The following MGAT4C variants were observed in gnomAD, a reference collection of about 807,000 sequenced individuals.
MGAT4C encodes alpha-1,3-mannosyl-glycoprotein 4-beta-N-acetylglucosaminyltransferase C.
A neutral mutation model predicts 40.1 loss-of-function variants in MGAT4C; 19 were observed. That is an observed-to-expected ratio of 0.47 (90% CI 0.33 to 0.70). The LOEUF (loss-of-function observed/expected upper bound fraction) is 0.70, where lower values mean the gene tolerates loss of function less well. Ranked by LOEUF, MGAT4C falls within the 30% of genes least tolerant of loss-of-function variation. The pLI, the probability that MGAT4C is intolerant of heterozygous loss-of-function variation, is 0.02. For missense variants in MGAT4C, 491 were observed against 563.2 expected (o/e 0.87, Z 1.30); for synonymous variants, 181 against 187.1 (o/e 0.97, Z 0.27).
intron 1 of MGAT4C, among the ~76,000 whole-genome samples, chr12:86,107,464 G>C (rs536434720): frequency 1.6e-4 from 24 of 152,146 alleles, no homozygotes; most frequent in African/African-American, 4.6e-4. Flanking sequence ...ATATTATTTT[G>C]AGCAAACAAA....
In MGAT4C at chr12:86,103,449, T is replaced by C. The variant is rs1256001094; in HGVS notation, c.-56-53726A>G. On this transcript the variant is annotated intron_variant, in intron 1 of 4. Transcript: ENST00000611864. The stretch of plus-strand genomic sequence containing the variant: ...GTGACTACAGAGCCAGAGACTAGGG[T>C]GCAACAAGTCAAGAAATGCCAACTA... Among the ~76,000 whole-genome samples, 3 of 151,978 alleles carry C rather than the reference T, an allele frequency of 2.0e-5. No individual in the cohort carries two copies. In the East Asian group the frequency reaches 5.8e-4, roughly 29 times the overall value.
intron 1 of MGAT4C, among the ~76,000 whole-genome samples, chr12:86,767,973 C>T (rs1290731583): frequency 1.3e-5 from 2 of 152,182 alleles, no homozygotes; most frequent in African/African-American, 2.4e-5. Flanking sequence ...GGGATGCCCT[C>T]TCTCACCACT....
At chr12:86,453,653 A>C (rs1009951803) in intron 2 of MGAT4C, among the ~76,000 whole-genome samples, 1 of 152,118 alleles carries the variant, frequency 6.6e-6, no homozygotes, top group Admixed American at 6.6e-5. Context: ...TCTGGTCTTC[A>C]TGTTTGCCTC....
intron 2 of MGAT4C, among the ~76,000 whole-genome samples, chr12:86,664,022 T>C (rs1008640831): frequency 6.6e-6 from 1 of 152,166 alleles, no homozygotes; most frequent in African/African-American, 2.4e-5. Flanking sequence ...TTTTGGGACT[T>C]GGCATTCAAA....
chr12:86,307,626 CATTTATTTTGTTTTG>C (rs1485549953), intron 4 of MGAT4C, among the ~76,000 whole-genome samples: 1 of 150,406 alleles, frequency 6.6e-6, no homozygotes, highest in Admixed American at 6.6e-5. Context: ...ATCTTGCCCA[CATTTATTTTGTTTTG>C]AAATATTTTA....
intron 2 of MGAT4C, among the ~76,000 whole-genome samples, chr12:86,493,772 A>T (rs1412801879): frequency 6.6e-6 from 1 of 152,044 alleles, no homozygotes; most frequent in Non-Finnish European, 1.5e-5. Flanking sequence ...CATTGTGCAC[A>T]TGTACCCTAA....
chr12:86,766,455 TCAA>T lies in MGAT4C; in HGVS notation c.-261-39217_-261-39215del, dbSNP rs949729456. Reference sequence around the variant, plus strand: ...CACCCCACTGTCAACATTAGAAAGATCAACGAGACAGAAAGTTAACAAGGATAC... The same window carrying T: ...CACCCCACTGTCAACATTAGAAAGATCGAGACAGAAAGTTAACAAGGATAC... On this transcript the variant is annotated intron_variant, in intron 1 of 7. Transcript: ENST00000548651. Among the ~76,000 whole-genome samples, 228 of 152,120 alleles carry T rather than the reference TCAA, an allele frequency of 1.5e-3. 7 individuals are homozygous for T. The South Asian group carries it at 0.046, about 31-fold the overall frequency.
At chr12:86,137,447 G>C (rs908920619) in intron 1 of MGAT4C, among the ~76,000 whole-genome samples, 3 of 152,012 alleles carry the variant, frequency 2.0e-5, no homozygotes, top group Admixed American at 2.0e-4. Context: ...ACTTTGTCAG[G>C]CTCCTTCTTA....
At chr12:86,253,728 C>T (rs367563254) in intron 1 of MGAT4C, among the ~76,000 whole-genome samples, 2 of 151,792 alleles carry the variant, frequency 1.3e-5, no homozygotes, top group South Asian at 4.1e-4. Flanking sequence ...GCCTGGAATG[C>T]CCAGAATTTC....
At chr12:86,797,657 T>A (rs754439069) in intron 1 of MGAT4C, among the ~76,000 whole-genome samples, 7 of 151,970 alleles carry the variant, frequency 4.6e-5, no homozygotes, top group Non-Finnish European at 7.4e-5. Context: ...ATATCCTTTA[T>A]GTAGCCATCT....
intron 2 of MGAT4C, among the ~76,000 whole-genome samples, chr12:86,506,175 C>A (rs185534796): frequency 6.6e-6 from 1 of 152,184 alleles, no homozygotes; most frequent in East Asian, 1.9e-4. Flanking sequence ...ACAGTTGCTA[C>A]GATGTGATTA....
At chr12:86,481,365 C>G (rs1957934139) in intron 2 of MGAT4C, among the ~76,000 whole-genome samples, 1 of 151,990 alleles carries the variant, frequency 6.6e-6, no homozygotes, top group Non-Finnish European at 1.5e-5. Context: ...AATGATTGCT[C>G]TCATATGCTT....
At chr12:86,755,090 C>T (rs1951280024) in intron 1 of MGAT4C, among the ~76,000 whole-genome samples, 1 of 152,058 alleles carries the variant, frequency 6.6e-6, no homozygotes, top group Non-Finnish European at 1.5e-5. Flanking sequence ...TGGCTAAAAC[C>T]TACAATCAGT....
At chr12:86,331,177 G>T (rs1181979842) in intron 4 of MGAT4C, among the ~76,000 whole-genome samples, 1 of 152,144 alleles carries the variant, frequency 6.6e-6, no homozygotes, top group Non-Finnish European at 1.5e-5. Flanking sequence ...CAACTTGAGA[G>T]ATTCAAGTGT....
chr12:86,684,573 T>C (rs1950038549), intron 2 of MGAT4C, among the ~76,000 whole-genome samples: 1 of 152,296 alleles, frequency 6.6e-6, no homozygotes, highest in Non-Finnish European at 1.5e-5. Context: ...TGTCAAATGG[T>C]ATTTCTGGTT....
intron 1 of MGAT4C, among the ~76,000 whole-genome samples, chr12:86,811,178 A>G (rs528905595): frequency 2.9e-4 from 44 of 151,354 alleles, no homozygotes; most frequent in Non-Finnish European, 5.0e-4. Flanking sequence ...TAGTGAAACA[A>G]TTTTAGATTG....
At position 86,431,551 on chromosome 12, in the gene MGAT4C, A is replaced by G. The variant is rs950033919; in HGVS notation, c.-120+3606T>C. On this transcript the variant is annotated intron_variant, in intron 3 of 7. Transcript: ENST00000548651. ...CCAATAAACCCATTATAAGTTAAAT[A>G]TTATGTCAAAAATGCACTTAACATA... Among the ~76,000 whole-genome samples the G allele has an allele frequency of 2.0e-5, 3 of 152,214 alleles. No individual in the cohort carries two copies. The South Asian group carries it at 6.2e-4, about 32-fold the overall frequency.
intron 4 of MGAT4C, among the ~76,000 whole-genome samples, chr12:86,303,366 G>A (rs960578616): frequency 2.7e-5 from 4 of 150,412 alleles, no homozygotes; most frequent in African/African-American, 5.0e-5. Flanking sequence ...ATATTTATAA[G>A]CTATTAAATC....
At chr12:86,770,321 G>A (rs960727222) in intron 1 of MGAT4C, among the ~76,000 whole-genome samples, 1 of 151,828 alleles carries the variant, frequency 6.6e-6, no homozygotes, top group Admixed American at 6.6e-5. Flanking sequence ...GAAAATATAT[G>A]TATTATTTAT....
Sources: gnomAD v4.1 joint callset for allele counts (sites outside exome capture counted in the v4.1 genomes callset) on GRCh38, gnomAD v4.1.1 for gene constraint, MANE v1.5 for transcripts, NCBI Gene and HGNC (gene_info 2026-07-23, HGNC 2026-07-21) for gene names.